Variants in PPARGC1B observed in about 807,000 individuals in gnomAD.
PPARGC1B encodes the protein peroxisome proliferator-activated receptor gamma coactivator 1-beta.
A neutral mutation model predicts 101.6 loss-of-function variants in PPARGC1B; 34 were observed. That is an observed-to-expected ratio of 0.33 (90% CI 0.25 to 0.45). The LOEUF is 0.45. Among genes scored for constraint, PPARGC1B ranks in the 20% least tolerant of loss-of-function variants. The pLI, the probability that PPARGC1B is intolerant of heterozygous loss-of-function variation, is 1.00. For synonymous variants in PPARGC1B, 548 were observed against 539.3 expected (o/e 1.02, Z -0.22); for missense variants, 1,234 against 1,317.6 (o/e 0.94, Z 0.98).
At chr5:149,787,279 G>T (rs556338516) in intron 1 of PPARGC1B, among the ~76,000 whole-genome samples, 37 of 152,320 alleles carry the variant, frequency 2.4e-4, no homozygotes, top group African/African-American at 8.9e-4. Flanking sequence ...CCCTCTGGTT[G>T]CCCAGGACTA....
chr5:149,776,238 C>T (rs1756357025), intron 1 of PPARGC1B, among the ~76,000 whole-genome samples: 1 of 152,210 alleles, frequency 6.6e-6, no homozygotes, highest in Non-Finnish European at 1.5e-5. Flanking sequence ...GAACCATAGC[C>T]TCACTTCTGT....
chr5:149,843,040 C>T (rs1759411330), intron 10 of PPARGC1B, among the ~76,000 whole-genome samples: 1 of 152,174 alleles, frequency 6.6e-6, no homozygotes, highest in Admixed American at 6.5e-5. Context: ...TGGTGGTGCA[C>T]TCCTGTATTC....
At chr5:149,857,432 A>G (rs2113479180), downstream of PPARGC1B, among the ~76,000 whole-genome samples, 1 of 152,326 alleles carries the variant, frequency 6.6e-6, no homozygotes, top group East Asian at 1.9e-4. Context: ...CAGAGTCAGG[A>G]CCAGCAACAT....
At position 149,832,872 on chromosome 5, in the gene PPARGC1B, T is replaced by A; in HGVS notation, c.799T>A (p.Ser267Thr). The A allele has an allele frequency of 3.1e-6, 5 of 1,611,688 alleles. No individual in the cohort carries two copies. The highest frequency in any genetic ancestry group is 4.2e-6 in the Non-Finnish European group (5 of 1,178,992). ...PQPAPASPRD[S>T]LALGRADPGA... is the part of the protein sequence containing the mutation. ...GCCAGCTCCAGCCTCTCCCCGGGAC[T>A]CCCTAGCTCTGGGCAGGGCAGACCC... Residue 267 changes from serine to threonine, a missense_variant, in exon 5 of 12, where the codon TCC (serine) becomes ACC (threonine). Transcript: ENST00000309241. This position sits in a 1 kb window ranked among gnomAD's most constrained non-coding sequence, Gnocchi z 4.9.
intron 1 of PPARGC1B, among the ~76,000 whole-genome samples, chr5:149,763,199 C>T (rs1755779141): frequency 6.6e-6 from 1 of 152,232 alleles, no homozygotes; most frequent in Admixed American, 6.5e-5. Flanking sequence ...GCCTTTGGCC[C>T]TGGTCCTGCA....
At chr5:149,826,906 G>A (rs767955104) in intron 3 of PPARGC1B, 21 bp downstream of exon 3, 4 of 1,560,780 alleles carry the variant, frequency 2.6e-6, no homozygotes, top group Non-Finnish European at 3.5e-6. Flanking sequence ...ACTTACAGCA[G>A]AAGTGATGGT....
chr5:149,731,465 C>T (rs553657742), intron 1 of PPARGC1B, among the ~76,000 whole-genome samples: 4 of 152,166 alleles, frequency 2.6e-5, no homozygotes, highest in African/African-American at 9.7e-5. Context: ...GGCGGAACCT[C>T]GGAGGAGCCC....
In PPARGC1B at chr5:149,830,817, C is replaced by G. The variant is rs781331941; in HGVS notation, c.516C>G (p.Thr172=). The G allele has an allele frequency of 1.4e-5, 23 of 1,614,184 alleles. No individual in the cohort carries two copies. The highest frequency in any genetic ancestry group is 1.9e-5 in the Non-Finnish European group (22 of 1,180,024). ...ATSYPTSSSD[T]QKEGTAWRQA... is the part of the protein sequence containing the mutation. Reference sequence around the variant, plus strand: ...CCTACCCAACATCAAGCTCTGACACCCAGAAGGAAGGGACCGCCTGGCGCC... The same window carrying G: ...CCTACCCAACATCAAGCTCTGACACGCAGAAGGAAGGGACCGCCTGGCGCC... The change falls in exon 4 of 12, where the codon ACC becomes ACG. Residue 172 remains threonine, a synonymous_variant. Coordinates refer to ENST00000309241, the MANE Select transcript of PPARGC1B (RefSeq NM_133263.4).
chr5:149,757,269 A>G (rs1245433941), intron 1 of PPARGC1B, among the ~76,000 whole-genome samples: 1 of 151,098 alleles, frequency 6.6e-6, no homozygotes, highest in Non-Finnish European at 1.5e-5. Context: ...TAAGCTTGTC[A>G]TTCGTCATAA....
chr5:149,845,827 G>A lies in PPARGC1B; in HGVS notation c.2884G>A (p.Ala962Thr), dbSNP rs773753803. The change falls in exon 11 of 12, where the codon GCT (alanine) becomes ACT (threonine). Residue 962 changes from alanine to threonine, a missense_variant. This residue lies in a region of PPARGC1B where 497 missense variants were observed against 529.5 expected (regional missense o/e 0.94). Coordinates refer to ENST00000309241, the MANE Select transcript of PPARGC1B (RefSeq NM_133263.4). The part of the protein sequence containing the change: ...EHAALSLTKG[A>T]ALRKRNEPSF... The stretch of plus-strand genomic sequence containing the variant: ...CGCGGCCCTCTCTTTGACAAAGGGC[G>A]CTGCCCTGAGGAAGCGCAACGAGCC... 28 of 1,614,058 alleles carry A rather than the reference G, an allele frequency of 1.7e-5. No individual in the cohort carries two copies. The highest frequency in any genetic ancestry group is 1.3e-4 in the African/African-American group (10 of 74,934).
chr5:149,764,748 G>A (rs1175649660), intron 1 of PPARGC1B, among the ~76,000 whole-genome samples: 1 of 152,172 alleles, frequency 6.6e-6, no homozygotes, highest in African/African-American at 2.4e-5. Context: ...ATAAGTCTAA[G>A]AGGAAAAAAT....
At chr5:149,809,403 C>CATAG (rs201252118) in intron 1 of PPARGC1B, among the ~76,000 whole-genome samples, 58 of 65,064 alleles carry the variant, frequency 8.9e-4, no homozygotes, top group Middle Eastern at 0.01. Context: ...CCATCTCTAC[C>CATAG]ATAGATAGAT....
chr5:149,822,312 C>G (rs915987037), intron 2 of PPARGC1B, among the ~76,000 whole-genome samples: 12 of 152,298 alleles, frequency 7.9e-5, no homozygotes, highest in African/African-American at 1.9e-4. Flanking sequence ...CTTTCAGGCA[C>G]AAGTAAGCTT....
At chr5:149,757,192 G>A (rs867887279) in intron 1 of PPARGC1B, among the ~76,000 whole-genome samples, 6 of 152,318 alleles carry the variant, frequency 3.9e-5, no homozygotes, top group Middle Eastern at 3.4e-3. Context: ...AATCAGAAAG[G>A]AAGCAACCTT....
chr5:149,752,398 A>G (rs1755345666), intron 1 of PPARGC1B, among the ~76,000 whole-genome samples: 1 of 152,264 alleles, frequency 6.6e-6, no homozygotes, highest in Non-Finnish European at 1.5e-5. Context: ...CACGCAGAGC[A>G]AGCCCCAGGA....
At chr5:149,767,791 G>A (rs1047710490) in intron 1 of PPARGC1B, among the ~76,000 whole-genome samples, 1 of 151,878 alleles carries the variant, frequency 6.6e-6, no homozygotes, top group Non-Finnish European at 1.5e-5. Context: ...TGGCACCAGG[G>A]ACTGGTTTCA....
Position 149,830,977 on chromosome 5 carries a change from A to G in PPARGC1B, c.582+94A>G. 6 of 844,752 alleles carry G rather than the reference A, an allele frequency of 7.1e-6. No homozygotes were observed. The South Asian group carries it at 8.6e-5, about 12-fold the overall frequency. The allele number at this position is 844,752 out of a possible 1,614,324, so 52.3% of individuals were successfully genotyped here. On this transcript the variant is annotated intron_variant, in intron 4 of 11. Coordinates refer to ENST00000309241, the MANE Select transcript of PPARGC1B (RefSeq NM_133263.4). ...AGGATAGCGAGTTCAGTCAACCTCC[A>G]ATATCTCTTCCCACTCCTCCCACAG...
At chr5:149,732,126 C>T (rs888501660) in intron 1 of PPARGC1B, among the ~76,000 whole-genome samples, 5 of 151,980 alleles carry the variant, frequency 3.3e-5, no homozygotes, top group African/African-American at 1.2e-4. Context: ...GACGAAACTG[C>T]GGTGGAGCTC....
chr5:149,752,304 C>T (rs926120120), intron 1 of PPARGC1B, among the ~76,000 whole-genome samples: 2 of 152,156 alleles, frequency 1.3e-5, no homozygotes, highest in Non-Finnish European at 2.9e-5. Context: ...ATTACTCAGT[C>T]GGGCTGTTTG....
Sources: gnomAD v4.1 joint callset for allele counts (sites outside exome capture counted in the v4.1 genomes callset) on GRCh38, gnomAD v4.1.1 for gene constraint, gnomAD v4.1.1 regional missense constraint, Gnocchi (gnomAD v3.1) non-coding constraint, MANE v1.5 for transcripts, NCBI Gene and HGNC (gene_info 2026-07-23, HGNC 2026-07-21) for gene names.